The following DPP6 variants were observed in gnomAD, a reference collection of about 807,000 sequenced individuals.
DPP6 encodes A-type potassium channel modulatory protein DPP6.
In DPP6, 69 loss-of-function variants were observed where a neutral mutation model predicts 122.6. The ratio of observed to expected loss-of-function variants is 0.56; its 90% CI spans 0.46 to 0.69. The LOEUF (loss-of-function observed/expected upper bound fraction) is 0.69, where lower values mean the gene tolerates loss of function less well. Ranked by LOEUF, DPP6 falls within the 30% of genes least tolerant of loss-of-function variation. The probability of loss-of-function intolerance (pLI) is 0.00; values close to 1 mark genes in which losing one functional copy is unlikely to be tolerated. For synonymous variants in DPP6, 418 were observed against 433.1 expected, an observed-to-expected ratio of 0.97 and a Z score of 0.43; for missense variants, 928 against 1,116.9, an observed-to-expected ratio of 0.83 and a Z score of 2.41.
At chr7:154,338,153 C>T (rs1166053989) in intron 1 of DPP6, among the ~76,000 whole-genome samples, 1 of 152,092 alleles carries the variant, frequency 6.6e-6, no homozygotes, top group African/African-American at 2.4e-5. Context: ...TTCAAAGTTG[C>T]TTAAATTTCT....
At chr7:154,511,576 A>G (rs1007018710) in intron 3 of DPP6, among the ~76,000 whole-genome samples, 5 of 152,242 alleles carry the variant, frequency 3.3e-5, no homozygotes, top group African/African-American at 9.6e-5. Flanking sequence ...CAAATGAGAA[A>G]GCAGCTGAAA....
intron 1 of DPP6, among the ~76,000 whole-genome samples, chr7:154,163,992 C>T (rs936402595): frequency 6.6e-6 from 1 of 152,112 alleles, no homozygotes; most frequent in African/African-American, 2.4e-5. Flanking sequence ...CCCAAAGATC[C>T]TCATCCCTTT....
chr7:154,494,867 G>A (rs978213207), intron 3 of DPP6, among the ~76,000 whole-genome samples: 1 of 152,194 alleles, frequency 6.6e-6, no homozygotes, highest in Non-Finnish European at 1.5e-5. Flanking sequence ...TCAGGTACTT[G>A]CAGATTAAGG....
chr7:154,441,421 A>G (rs1277507009), intron 1 of DPP6, among the ~76,000 whole-genome samples: 1 of 152,208 alleles, frequency 6.6e-6, no homozygotes, highest in Non-Finnish European at 1.5e-5. Context: ...TTTCAAATAC[A>G]TTTACATTTA....
At chr7:154,076,801 A>G (rs1803585851) in intron 1 of DPP6, among the ~76,000 whole-genome samples, 1 of 152,058 alleles carries the variant, frequency 6.6e-6, no homozygotes, top group East Asian at 1.9e-4. Context: ...GTGTACCCTC[A>G]GTCTCCAATG....
chr7:153,771,476 A>G, the DPP6 span, among the ~76,000 whole-genome samples: 1 of 152,124 alleles, frequency 6.6e-6, no homozygotes, highest in African/African-American at 2.4e-5. Context: ...AGTAGCTGGT[A>G]TTACAGGCAT....
rs79196279 is a variant in DPP6, at chr7:154,296,590, G to A, written c.244-149624G>A. Among the ~76,000 whole-genome samples the A allele has an allele frequency of 4.7e-3, 718 of 152,274 alleles. 8 individuals carry two copies. Among genetic ancestry groups the A allele is most frequent in the East Asian group, 0.045 (232 of 5,160 alleles). Reference sequence around the variant, plus strand: ...CCTTAACGGCAGCACTGTGATTACCGTTATCTTGTCATGAAGGTTTATGAC... The same window carrying A: ...CCTTAACGGCAGCACTGTGATTACCATTATCTTGTCATGAAGGTTTATGAC... On this transcript the variant is annotated intron_variant, in intron 1 of 25. Coordinates refer to ENST00000377770, the MANE Select transcript of DPP6 (RefSeq NM_130797.4).
At chr7:153,823,939 T>C in the DPP6 span, among the ~76,000 whole-genome samples, 1 of 152,326 alleles carries the variant, frequency 6.6e-6, no homozygotes, top group African/African-American at 2.4e-5. Flanking sequence ...TTAATATTTA[T>C]AGGCCAGCTA....
intron 3 of DPP6, among the ~76,000 whole-genome samples, chr7:154,515,602 A>G (rs1026067240): frequency 1.3e-5 from 2 of 151,904 alleles, no homozygotes; most frequent in African/African-American, 4.8e-5. Context: ...CAGCCTCCTG[A>G]GTAGCTGGGA....
chr7:153,937,626 T>G (rs2129015728), intron 1 of DPP6, among the ~76,000 whole-genome samples: 1 of 152,168 alleles, frequency 6.6e-6, no homozygotes, highest in South Asian at 2.1e-4. Context: ...TTTTGTATTT[T>G]TAATAGAGAT....
At chr7:154,873,263 T>C (rs1804542627) in intron 19 of DPP6, among the ~76,000 whole-genome samples, 1 of 152,228 alleles carries the variant, frequency 6.6e-6, no homozygotes, top group Admixed American at 6.5e-5. Context: ...GCCGGCCCAG[T>C]GCCCTGTGCA....
chr7:154,092,219 TTTA>T (rs1369656853), intron 1 of DPP6: 2 of 152,334 alleles, frequency 1.3e-5, no homozygotes, highest in African/African-American at 4.8e-5. Context: ...CTCCACTTAC[TTTA>T]TTATTTTCTC....
chr7:153,889,308 A>G (rs1799086309), intron 1 of DPP6, among the ~76,000 whole-genome samples: 1 of 152,140 alleles, frequency 6.6e-6, no homozygotes, highest in Non-Finnish European at 1.5e-5. Context: ...TGTTCAGCAT[A>G]ATTTCTTGCA....
chr7:154,876,436 C>G (rs1235626088), intron 20 of DPP6: 1 of 233,322 alleles, frequency 4.3e-6, no homozygotes, highest in Non-Finnish European at 8.2e-6. Flanking sequence ...GCCATTTATC[C>G]CAAGGGGAGG....
the DPP6 span, among the ~76,000 whole-genome samples, chr7:153,752,342 C>G: frequency 6.7e-6 from 1 of 150,118 alleles, no homozygotes; most frequent in Admixed American, 6.6e-5. Flanking sequence ...CTCCACCTCC[C>G]AGGTTCAAGC....
the DPP6 span, among the ~76,000 whole-genome samples, chr7:153,864,672 T>TACACACACACACAC: frequency 1.5e-5 from 2 of 135,274 alleles, no homozygotes; most frequent in East Asian, 2.2e-4. Flanking sequence ...ATAATAATAA[T>TACACACACACACAC]ACACACACAC....
chr7:153,787,149 A>G, the DPP6 span, among the ~76,000 whole-genome samples: 90 of 133,620 alleles, frequency 6.7e-4, 3 homozygotes, highest in Non-Finnish European at 1.2e-3. Flanking sequence ...ATGGGGTTTC[A>G]CCGTGTTAGC....
At chr7:153,875,549 T>G in the DPP6 span, among the ~76,000 whole-genome samples, 1 of 152,086 alleles carries the variant, frequency 6.6e-6, no homozygotes, top group Non-Finnish European at 1.5e-5. Flanking sequence ...TAATATTTGA[T>G]TACTCAAAGT....
At chr7:153,802,635 TG>T in the DPP6 span, among the ~76,000 whole-genome samples, 1 of 152,216 alleles carries the variant, frequency 6.6e-6, no homozygotes, top group Non-Finnish European at 1.5e-5. Flanking sequence ...ATTTTATCTC[TG>T]TGATGCTGCT....
Sources: allele counts gnomAD v4.1 joint callset (sites outside exome capture counted in the v4.1 genomes callset), GRCh38; gene constraint gnomAD v4.1.1; transcripts MANE v1.5; gene names NCBI Gene and HGNC (gene_info 2026-07-23, HGNC 2026-07-21).